Variants in XYLT1 observed in about 807,000 individuals in gnomAD.
The protein encoded by XYLT1 is beta-D-xylosyltransferase 1.
In XYLT1, 36 loss-of-function variants were observed where a neutral mutation model predicts 91.3. The ratio of observed to expected loss-of-function variants is 0.39; its 90% CI spans 0.30 to 0.52. The LOEUF (loss-of-function observed/expected upper bound fraction) is 0.52. XYLT1 is among the 20% of genes least tolerant of loss of function. The pLI is 0.68. For missense variants in XYLT1, 1,242 were observed against 1,284.5 expected (o/e 0.97, Z 0.51); for synonymous variants, 588 against 532.0 (o/e 1.11, Z -1.45).
chr16:17,140,775 A>T (rs1357782784), intron 7 of XYLT1, among the ~76,000 whole-genome samples: 1 of 151,622 alleles, frequency 6.6e-6, no homozygotes, highest in East Asian at 1.9e-4. Flanking sequence ...TGCCATCAGC[A>T]TTGTGGATGT....
chr16:17,268,665 T>C lies in XYLT1; in HGVS notation c.403-9167A>G, dbSNP rs546877288. On this transcript the variant is annotated intron_variant, in intron 2 of 11. Coordinates refer to ENST00000261381, the MANE Select transcript of XYLT1 (RefSeq NM_022166.4). ...ATAGAAATCGAAGTTGAGTGATAAATACTTTTTTTTTTTTTTTTTTTCTGA... is the reference window on the plus strand; with the variant it reads ...ATAGAAATCGAAGTTGAGTGATAAACACTTTTTTTTTTTTTTTTTTTCTGA... 8.1e-5 allele frequency among the ~76,000 whole-genome samples: 12 copies of C among 147,262 alleles called. No homozygotes were observed. In the South Asian group the frequency reaches 2.6e-3, roughly 32 times the overall value.
intron 1 of XYLT1, among the ~76,000 whole-genome samples, chr16:17,436,854 G>A (rs2036465132): frequency 6.6e-6 from 1 of 152,314 alleles, no homozygotes; most frequent in East Asian, 1.9e-4. Flanking sequence ...GAACTGTTTG[G>A]CTTACACAGG....
At chr16:17,272,671 C>G (rs751981538) in intron 2 of XYLT1, among the ~76,000 whole-genome samples, 4 of 152,222 alleles carry the variant, frequency 2.6e-5, no homozygotes, top group South Asian at 2.1e-4. Flanking sequence ...TAGATTTCTA[C>G]GCATGACAGT....
At chr16:17,396,311 C>T (rs897735171) in intron 1 of XYLT1, among the ~76,000 whole-genome samples, 7 of 152,144 alleles carry the variant, frequency 4.6e-5, no homozygotes, top group Admixed American at 6.5e-5. Context: ...AGAAGCAAAG[C>T]GTTATTTGCT....
At chr16:17,354,293 G>T (rs552981775) in intron 2 of XYLT1, among the ~76,000 whole-genome samples, 267 of 152,230 alleles carry the variant, frequency 1.8e-3, no homozygotes, top group African/African-American at 5.9e-3. Flanking sequence ...CCGTTAAGCA[G>T]AGAGTCCTGC....
intron 1 of XYLT1, among the ~76,000 whole-genome samples, chr16:17,461,099 C>T (rs772042936): frequency 6.6e-5 from 10 of 152,336 alleles, no homozygotes; most frequent in South Asian, 2.1e-4. Context: ...CTCCCAGGCC[C>T]CACAGCATCT....
At chr16:17,392,767 C>T (rs2035835785) in intron 1 of XYLT1, among the ~76,000 whole-genome samples, 1 of 152,144 alleles carries the variant, frequency 6.6e-6, no homozygotes, top group African/African-American at 2.4e-5. Context: ...AACAGCTTAT[C>T]TTCAGAGGTA....
intron 2 of XYLT1, among the ~76,000 whole-genome samples, chr16:17,293,212 A>C (rs2141800939): frequency 6.6e-6 from 1 of 152,098 alleles, no homozygotes; most frequent in Admixed American, 6.5e-5. Context: ...TTGGGAGGGG[A>C]GGAGAGGTGA....
intron 3 of XYLT1, among the ~76,000 whole-genome samples, chr16:17,246,253 C>A (rs538372638): frequency 6.6e-6 from 1 of 152,258 alleles, no homozygotes; most frequent in Admixed American, 6.5e-5. Flanking sequence ...CTTAGGATAG[C>A]CCTTGGCATT....
rs552272789 is a variant in XYLT1 at position 17,381,874 on chromosome 16, CAACT to C, written c.364-23828_364-23825del. 3.3e-5 allele frequency among the ~76,000 whole-genome samples: 5 copies of C among 152,232 alleles called. No individual in the cohort carries two copies. In the South Asian group the frequency reaches 1.0e-3, roughly 32 times the overall value. On this transcript the variant is annotated intron_variant, in intron 1 of 11. Transcript: ENST00000261381. Reference sequence around the variant, plus strand: ...ATTTCTAGGAATGAATTTATTTACTCAACTAACAGTGGCAATGGATGTGGGCTAA... The same window carrying C: ...ATTTCTAGGAATGAATTTATTTACTCAACAGTGGCAATGGATGTGGGCTAA...
chr16:17,463,405 G>A (rs2036846843), intron 1 of XYLT1, among the ~76,000 whole-genome samples: 1 of 152,048 alleles, frequency 6.6e-6, no homozygotes, highest in Admixed American at 6.6e-5. Flanking sequence ...TTTTAAACAG[G>A]CAAAAGAGCT....
At chr16:17,112,377 C>T (rs1007058025) in intron 11 of XYLT1, among the ~76,000 whole-genome samples, 6 of 151,856 alleles carry the variant, frequency 4.0e-5, no homozygotes, top group African/African-American at 1.2e-4. Context: ...GGGCTGCTCT[C>T]GGTGGGGGTA....
intron 2 of XYLT1, among the ~76,000 whole-genome samples, chr16:17,289,094 T>C (rs1040599587): frequency 6.6e-6 from 1 of 152,254 alleles, no homozygotes; most frequent in Non-Finnish European, 1.5e-5. Flanking sequence ...AATCATTTTC[T>C]GTAAAGGACT....
intron 6 of XYLT1, among the ~76,000 whole-genome samples, chr16:17,155,345 G>A (rs2031379402): frequency 6.6e-6 from 1 of 151,360 alleles, no homozygotes; most frequent in African/African-American, 2.4e-5. Context: ...AGAACTAATA[G>A]AGAGTCTGGG....
At chr16:17,227,117 C>T (rs1291567761) in intron 3 of XYLT1, 1 of 152,228 alleles carries the variant, frequency 6.6e-6, no homozygotes, top group Non-Finnish European at 1.5e-5. Context: ...GGTGTGAAGA[C>T]GCATAAGCCT....
chr16:17,463,110 C>T (rs1040225786), intron 1 of XYLT1, among the ~76,000 whole-genome samples: 1 of 151,948 alleles, frequency 6.6e-6, no homozygotes, highest in African/African-American at 2.4e-5. Flanking sequence ...ATCTAAGACC[C>T]GAGACTATGA....
chr16:17,195,828 A>G (rs1178040584), intron 5 of XYLT1, among the ~76,000 whole-genome samples: 1 of 152,194 alleles, frequency 6.6e-6, no homozygotes, highest in Non-Finnish European at 1.5e-5. Context: ...CTCAGCTAGG[A>G]TACACATTCC....
chr16:17,201,739 G>C (rs2032547484), intron 3 of XYLT1, among the ~76,000 whole-genome samples: 1 of 152,166 alleles, frequency 6.6e-6, no homozygotes, highest in Admixed American at 6.5e-5. Flanking sequence ...GCCTCCCAAA[G>C]TGCTGGGATT....
chr16:17,321,699 G>C (rs2034724657), intron 2 of XYLT1, among the ~76,000 whole-genome samples: 1 of 152,070 alleles, frequency 6.6e-6, no homozygotes, highest in Non-Finnish European at 1.5e-5. Flanking sequence ...TCAATCGGGG[G>C]CAATTTTGCC....
Sources: gnomAD v4.1 joint callset for allele counts (sites outside exome capture counted in the v4.1 genomes callset) on GRCh38, gnomAD v4.1.1 for gene constraint, MANE v1.5 for transcripts, NCBI Gene and HGNC (gene_info 2026-07-23, HGNC 2026-07-21) for gene names.